The following NEBL variants were observed in gnomAD, a reference collection of about 807,000 sequenced individuals.
NEBL encodes nebulette.
In NEBL, 122 loss-of-function variants were observed where a neutral mutation model predicts 140.2. That is an observed-to-expected ratio of 0.87 (90% CI 0.75 to 1.01). The LOEUF (loss-of-function observed/expected upper bound fraction) is 1.01, where lower values mean the gene tolerates loss of function less well. NEBL is among the 50% of genes least tolerant of loss of function. The pLI, the probability that NEBL is intolerant of heterozygous loss-of-function variation, is 0.00. For missense variants in NEBL, 1,365 were observed against 1,231.3 expected (o/e 1.11, Z -1.62); for synonymous variants, 436 against 398.9 (o/e 1.09, Z -1.11).
At chr10:20,887,065 G>C (rs542329902) in intron 4 of NEBL, among the ~76,000 whole-genome samples, 1 of 152,160 alleles carries the variant, frequency 6.6e-6, no homozygotes, top group Non-Finnish European at 1.5e-5. Flanking sequence ...CCCCAAATTT[G>C]ATTGTTCTGT....
intron 3 of NEBL, among the ~76,000 whole-genome samples, chr10:21,185,327 T>C (rs1841447596): frequency 6.6e-6 from 1 of 151,838 alleles, no homozygotes; most frequent in Admixed American, 6.6e-5. Context: ...TGGGCAAAGG[T>C]GGATGGGAAA....
chr10:21,176,332 A>G (rs1176726418), upstream of NEBL, among the ~76,000 whole-genome samples: 1 of 152,198 alleles, frequency 6.6e-6, no homozygotes, highest in Admixed American at 6.5e-5. Context: ...CAAACCAGCA[A>G]TGATCACAGT....
At chr10:21,078,261 C>T (rs1292127651) in intron 2 of NEBL, among the ~76,000 whole-genome samples, 1 of 152,092 alleles carries the variant, frequency 6.6e-6, no homozygotes, top group African/African-American at 2.4e-5. Flanking sequence ...TTTCTGTATC[C>T]TAAAAATCTT....
intron 7 of NEBL, among the ~76,000 whole-genome samples, chr10:20,863,638 G>C (rs1843958004): frequency 6.6e-6 from 1 of 152,250 alleles, no homozygotes; most frequent in East Asian, 1.9e-4. Flanking sequence ...AAATGTTAAT[G>C]ATCCAGAGAA....
intron 10 of NEBL, among the ~76,000 whole-genome samples, chr10:20,850,834 T>C (rs1405303178): frequency 6.6e-6 from 1 of 152,190 alleles, no homozygotes; most frequent in Non-Finnish European, 1.5e-5. Flanking sequence ...CATACACACA[T>C]AGGTAGCAGG....
intron 2 of NEBL, among the ~76,000 whole-genome samples, chr10:21,099,422 A>G (rs953577776): frequency 1.3e-5 from 2 of 152,100 alleles, no homozygotes; most frequent in African/African-American, 4.8e-5. Context: ...TATTCCTGCC[A>G]TCTGGAGTCG....
intron 25 of NEBL, 116 bp from the exon 26 acceptor site, chr10:20,808,775 C>A: frequency 8.7e-7 from 1 of 1,150,726 alleles, no homozygotes; most frequent in Non-Finnish European, 1.3e-6. Context: ...TAAAGAATAA[C>A]TCAAAATCTC....
At position 21,132,825 on chromosome 10, in the gene NEBL, T is replaced by C. The variant is rs374002264; in HGVS notation, c.164+39558A>G. Among the ~76,000 whole-genome samples the C allele has an allele frequency of 3.0e-4, 46 of 152,342 alleles. 1 individual carries two copies. The South Asian group carries it at 9.3e-3, about 31-fold the overall frequency. On this transcript the variant is annotated intron_variant, in intron 2 of 6. Coordinates refer to the NEBL transcript ENST00000417816. ...ATCTGTTGCCTATTTTTAATTGGGTTACTTGTCTTTTAATAACTGAGTTGT... is the reference window on the plus strand; with the variant it reads ...ATCTGTTGCCTATTTTTAATTGGGTCACTTGTCTTTTAATAACTGAGTTGT...
At chr10:21,126,307 T>C (rs1564520298) in intron 2 of NEBL, 6 of 623,410 alleles carry the variant, frequency 9.6e-6, no homozygotes, top group Admixed American at 3.0e-5. Context: ...AATGTTTATA[T>C]TGTTTGCTTT....
At chr10:20,967,312 T>C (rs1836362163) in intron 3 of NEBL, among the ~76,000 whole-genome samples, 1 of 152,180 alleles carries the variant, frequency 6.6e-6, no homozygotes, top group African/African-American at 2.4e-5. Flanking sequence ...AACATTACGC[T>C]GAGGGGAGGA....
chr10:21,128,814 A>G (rs577213795), intron 2 of NEBL, among the ~76,000 whole-genome samples: 2 of 152,368 alleles, frequency 1.3e-5, no homozygotes, highest in East Asian at 3.9e-4. Flanking sequence ...GAAAAAAACC[A>G]GAAAAGATGG....
In NEBL at chr10:20,780,864, T is replaced by G. The variant is rs1834992317; in HGVS notation, c.*4883A>C. 1 of 152,214 alleles carries G rather than the reference T, an allele frequency of 6.6e-6. No individual in the cohort carries two copies. 9.4% of individuals were successfully genotyped at this position (152,214 alleles called of 1,614,324 possible). Reference sequence around the variant, plus strand: ...CTGGTTTGCCGTCATTTAAGTAGTTTCAATAGATAAATCGGTGATTTGCTT... The same window carrying G: ...CTGGTTTGCCGTCATTTAAGTAGTTGCAATAGATAAATCGGTGATTTGCTT... On this transcript the variant is annotated 3_prime_UTR_variant, in exon 28 of 28. Coordinates refer to ENST00000377122, the MANE Select transcript of NEBL (RefSeq NM_006393.3).
intron 2 of NEBL, among the ~76,000 whole-genome samples, chr10:21,142,379 C>G (rs894213499): frequency 6.6e-6 from 1 of 152,076 alleles, no homozygotes; most frequent in African/African-American, 2.4e-5. Context: ...GGACACCACC[C>G]CAGAAGTTCC....
At chr10:21,225,643 G>A (rs182070609) in intron 3 of NEBL, among the ~76,000 whole-genome samples, 4 of 152,208 alleles carry the variant, frequency 2.6e-5, no homozygotes, top group African/African-American at 4.8e-5. Context: ...ACAAGCAGAG[G>A]AGTCTCCCCA....
chr10:20,846,405 A>C (rs1315870948), intron 11 of NEBL, among the ~76,000 whole-genome samples: 1 of 152,166 alleles, frequency 6.6e-6, no homozygotes, highest in Non-Finnish European at 1.5e-5. Context: ...AATGTCTCTA[A>C]ACCATGAAGG....
At chr10:20,923,170 C>T (rs771843207) in intron 4 of NEBL, among the ~76,000 whole-genome samples, 18 of 152,028 alleles carry the variant, frequency 1.2e-4, no homozygotes, top group Non-Finnish European at 2.2e-4. Flanking sequence ...CCATCTCAAT[C>T]GATCCTCCAG....
chr10:20,862,755 T>C (rs1020300863), intron 7 of NEBL, among the ~76,000 whole-genome samples: 1 of 152,194 alleles, frequency 6.6e-6, no homozygotes, highest in Non-Finnish European at 1.5e-5. Flanking sequence ...GACACAATGT[T>C]ACTCCTTATA....
At chr10:21,126,125 T>A in intron 2 of NEBL, 1 of 1,605,058 alleles carries the variant, frequency 6.2e-7, no homozygotes, top group Non-Finnish European at 8.5e-7. Context: ...TTACCAGGCC[T>A]ATGGGATAAA....
At chr10:20,961,094 CT>C (rs1469694620) in intron 4 of NEBL, among the ~76,000 whole-genome samples, 3 of 152,144 alleles carry the variant, frequency 2.0e-5, no homozygotes, top group African/African-American at 7.2e-5. Flanking sequence ...GTTTATCCAC[CT>C]TTAATAAGTA....
Sources: gnomAD v4.1 joint callset for allele counts (sites outside exome capture counted in the v4.1 genomes callset) on GRCh38, gnomAD v4.1.1 for gene constraint, MANE v1.5 for transcripts, NCBI Gene and HGNC (gene_info 2026-07-23, HGNC 2026-07-21) for gene names.